The following MGAT3 variants were observed in gnomAD, a reference collection of about 807,000 sequenced individuals.
MGAT3 encodes GlcNAc-T III.
In MGAT3, 9 loss-of-function variants were observed where a neutral mutation model predicts 29.8. The observed-to-expected ratio is 0.30, with a 90% CI of 0.18 to 0.53. The LOEUF (loss-of-function observed/expected upper bound fraction) is 0.53, where lower values mean the gene tolerates loss of function less well. Among genes scored for constraint, MGAT3 ranks in the 20% least tolerant of loss-of-function variants. The pLI is 0.96. For synonymous variants in MGAT3, 397 were observed against 348.9 expected (o/e 1.14, Z -1.54); for missense variants, 557 against 769.5 (o/e 0.72, Z 3.27).
At position 39,465,001 on chromosome 22, in the gene MGAT3, T is replaced by G. The variant is rs1928600633; in HGVS notation, c.-2+7444T>G. ...CGATCTCCTGACCTCGTGATCTGCC[T>G]GCCTCGGCCTCCCAAAGTGCTGGGA... On this transcript the variant is annotated intron_variant, in intron 1 of 1. Coordinates refer to ENST00000341184, the MANE Select transcript of MGAT3 (RefSeq NM_002409.5). 3.3e-5 allele frequency among the ~76,000 whole-genome samples: 5 copies of G among 152,100 alleles called. No homozygotes were observed. In the South Asian group the frequency reaches 8.3e-4, roughly 25 times the overall value.
rs946021977 is a variant in MGAT3 at position 39,490,369 on chromosome 22, A to T, written c.*1420A>T. On this transcript the variant is annotated 3_prime_UTR_variant, in exon 2 of 2. Transcript: ENST00000341184. ...ACATGGCCACAAGCAGCTGCTAGGGAACCTGGGAAGTGTAGTCTTCAGCGG... is the reference window on the plus strand; with the variant it reads ...ACATGGCCACAAGCAGCTGCTAGGGTACCTGGGAAGTGTAGTCTTCAGCGG... 6.6e-5 allele frequency: 11 copies of T among 167,178 alleles called. No individual in the cohort carries two copies. Among genetic ancestry groups the T allele is most frequent in the Admixed American group, 6.5e-4 (10 of 15,300 alleles). The allele number at this position is 167,178 out of a possible 1,614,324, so 10.4% of individuals were successfully genotyped here.
At chr22:39,478,571 G>A (rs1264034980) in intron 1 of MGAT3, among the ~76,000 whole-genome samples, 1 of 152,234 alleles carries the variant, frequency 6.6e-6, no homozygotes, top group Non-Finnish European at 1.5e-5. Context: ...CCTGGGGACT[G>A]AGCTAGGACT....
At position 39,457,218 on chromosome 22, in the gene MGAT3, G is replaced by GCCGCGCTCGGCCTCGCCT. The variant is rs1166509015; in HGVS notation, c.-334_-317dup. On this transcript the variant is annotated 5_prime_UTR_variant, in exon 1 of 2. Coordinates refer to ENST00000341184, the MANE Select transcript of MGAT3 (RefSeq NM_002409.5). This position sits in a 1 kb window ranked among gnomAD's most constrained non-coding sequence, Gnocchi z 6.8. The stretch of plus-strand genomic sequence containing the variant: ...CCGGCGGGAGCGGGCACCCCTGCGC[G>GCCGCGCTCGGCCTCGCCT]CCGCGCTCGGCCTCGCCTCCGCGCC... 2 of 144,498 alleles carry GCCGCGCTCGGCCTCGCCT rather than the reference G, an allele frequency of 1.4e-5. No homozygotes were observed. Among genetic ancestry groups the GCCGCGCTCGGCCTCGCCT allele is most frequent in the Non-Finnish European group, 1.5e-5 (1 of 65,132 alleles). 9.0% of individuals were successfully genotyped at this position (144,498 alleles called of 1,614,324 possible).
At chr22:39,459,758 G>C (rs1455982454) in intron 1 of MGAT3, among the ~76,000 whole-genome samples, 2 of 152,252 alleles carry the variant, frequency 1.3e-5, no homozygotes, top group Non-Finnish European at 2.9e-5. Context: ...GTGATCAAAT[G>C]GGGGAGAATT....
At position 39,466,294 on chromosome 22, in the gene MGAT3, G is replaced by A. The variant is rs368217238; in HGVS notation, c.-2+8737G>A. 6.5e-4 allele frequency among the ~76,000 whole-genome samples: 99 copies of A among 152,318 alleles called. No homozygotes were observed. In the East Asian group the frequency reaches 6.6e-3, roughly 10 times the overall value. ...CAGTGACCGGCTGTGGGGTCTCACC[G>A]TGGGGCTTGCCTAGCACCAGGCACT... On this transcript the variant is annotated intron_variant, in intron 1 of 1. Transcript: ENST00000341184.
chr22:39,466,367 T>C (rs1428223502), intron 1 of MGAT3, among the ~76,000 whole-genome samples: 1 of 152,108 alleles, frequency 6.6e-6, no homozygotes. Flanking sequence ...GTTGCTCTAA[T>C]TCCTGGAAAT....
At chr22:39,459,377 A>T (rs967859283) in intron 1 of MGAT3, among the ~76,000 whole-genome samples, 9 of 151,894 alleles carry the variant, frequency 5.9e-5, no homozygotes, top group African/African-American at 1.9e-4. Context: ...CCCAACCCTG[A>T]TGATTTCTTT....
At chr22:39,458,092 T>A (rs2145705366) in intron 1 of MGAT3, among the ~76,000 whole-genome samples, 1 of 151,868 alleles carries the variant, frequency 6.6e-6, no homozygotes, top group Non-Finnish European at 1.5e-5. Flanking sequence ...CAGAGGCAAA[T>A]GTGGAGAGGG....
chr22:39,484,043 C>T (rs1345966379), intron 1 of MGAT3, among the ~76,000 whole-genome samples: 1 of 152,194 alleles, frequency 6.6e-6, no homozygotes, highest in Non-Finnish European at 1.5e-5. Context: ...TCATGAGGGG[C>T]ACCTGGTGCA....
At chr22:39,467,042 G>A (rs755366306) in intron 1 of MGAT3, among the ~76,000 whole-genome samples, 43 of 152,346 alleles carry the variant, frequency 2.8e-4, no homozygotes, top group East Asian at 5.8e-4. Context: ...CAGGGTGGGC[G>A]GCTTGCAGTT....
rs796398685 is a variant in MGAT3 at position 39,487,625 on chromosome 22, T to C, written c.278T>C (p.Leu93Pro). ...CCGCCCAGCAAGGCGGCCGAGGAGC[T>C]CCACCGGGTGGACTTGGTGCTGCCC... ...PLPPSKAAEE[L>P]HRVDLVLPED... Residue 93 changes from leucine to proline, a missense_variant, in exon 2 of 2, where the codon CTC (leucine) becomes CCC (proline). By Grantham distance (98) the Leu-to-Pro change is moderately conservative (BLOSUM62 -3). Coordinates refer to ENST00000341184, the MANE Select transcript of MGAT3 (RefSeq NM_002409.5). This position sits in a 1 kb window ranked among gnomAD's most constrained non-coding sequence, Gnocchi z 5.7. 2.5e-6 allele frequency: 4 copies of C among 1,611,304 alleles called. No individual in the cohort carries two copies. In the South Asian group the frequency reaches 4.4e-5, roughly 18 times the overall value.
intron 1 of MGAT3, among the ~76,000 whole-genome samples, chr22:39,478,600 C>T (rs945529970): frequency 6.6e-6 from 1 of 152,202 alleles, no homozygotes; most frequent in African/African-American, 2.4e-5. Context: ...CACGGGCAAG[C>T]TCAGGACCAC....
chr22:39,457,289 C>A lies in MGAT3; in HGVS notation c.-270C>A. ...CCCTCCCCCGCGCCCGTCCGCTCGC[C>A]GGGCCCCCGCCGCCGCCCCGGGGTG... On this transcript the variant is annotated 5_prime_UTR_variant, in exon 1 of 2. Transcript: ENST00000341184. The surrounding 1 kb of genome is among the most constrained non-coding windows in gnomAD (Gnocchi z 6.8). 2 of 139,230 alleles carry A rather than the reference C, an allele frequency of 1.4e-5. No homozygotes were observed. The highest frequency in any genetic ancestry group is 4.2e-4 in the South Asian group (2 of 4,758). The allele number at this position is 139,230 out of a possible 1,614,324, so 8.6% of individuals were successfully genotyped here. A position where few individuals can be genotyped will look rare whatever the true frequency, so the allele number is the denominator to read the frequency against.
intron 1 of MGAT3, among the ~76,000 whole-genome samples, chr22:39,460,772 G>C (rs917463278): frequency 6.6e-6 from 1 of 152,138 alleles, no homozygotes; most frequent in Non-Finnish European, 1.5e-5. Context: ...ACTCCAGCCT[G>C]GGCAACAGAG....
chr22:39,491,900 G>A lies in MGAT3; in HGVS notation c.*2951G>A, dbSNP rs1263898872. Reference sequence around the variant, plus strand: ...TCCATGCCAAGCATCCGGGAAGCATGGCTGGCCTTATCCACCCATGGGTCA... The same window carrying A: ...TCCATGCCAAGCATCCGGGAAGCATAGCTGGCCTTATCCACCCATGGGTCA... On this transcript the variant is annotated 3_prime_UTR_variant, in exon 2 of 2. Transcript: ENST00000341184. This position sits in a 1 kb window ranked among gnomAD's most constrained non-coding sequence, Gnocchi z 5.5. 6.0e-6 allele frequency: 1 copy of A among 167,032 alleles called. No individual in the cohort carries two copies. The highest frequency in any genetic ancestry group is 1.5e-5 in the Non-Finnish European group (1 of 68,116). The allele number at this position is 167,032 out of a possible 1,614,324, so 10.3% of individuals were successfully genotyped here.
At chr22:39,472,023 C>T (rs141702012) in intron 1 of MGAT3, among the ~76,000 whole-genome samples, 2 of 152,094 alleles carry the variant, frequency 1.3e-5, no homozygotes, top group East Asian at 3.9e-4. Flanking sequence ...TCCCCGGCAG[C>T]AGGAATGCTC....
chr22:39,487,269 A>G lies in MGAT3; in HGVS notation c.-1-78A>G. 1 of 1,444,560 alleles carries G rather than the reference A, an allele frequency of 6.9e-7. No homozygotes were observed. Among genetic ancestry groups the G allele is most frequent in the Middle Eastern group, 1.8e-4 (1 of 5,520 alleles). 89.5% of individuals were successfully genotyped at this position (1,444,560 alleles called of 1,614,324 possible). On this transcript the variant is annotated intron_variant, in intron 1 of 1. Transcript: ENST00000341184. This position sits in a 1 kb window ranked among gnomAD's most constrained non-coding sequence, Gnocchi z 5.7. ...CCACATTGTCCAGCAAGGTGGCAGCAGAGGCCTCCTAGGTCCCCTTCCTAG... is the reference window on the plus strand; with the variant it reads ...CCACATTGTCCAGCAAGGTGGCAGCGGAGGCCTCCTAGGTCCCCTTCCTAG...
In MGAT3 at chr22:39,487,829, G is replaced by A; in HGVS notation, c.482G>A (p.Gly161Asp). Residue 161 changes from glycine to aspartate, a missense_variant, in exon 2 of 2, where the codon GGC (glycine) becomes GAC (aspartate). Physicochemically the swap from Gly to Asp is moderately conservative, Grantham distance 94. Transcript: ENST00000341184. The surrounding 1 kb of genome is among the most constrained non-coding windows in gnomAD (Gnocchi z 5.7). ...CTGAGCGCCCGGGAGCGCACGGGGG[G>A]CCGAGGCGCCCGGCGCAAGTGGGTG... is the stretch of plus-strand genomic sequence containing the variant. ...YLLSARERTGGRGARRKWVEC... is the reference protein window; with the variant it reads ...YLLSARERTGDRGARRKWVEC... 6.0e-6 allele frequency: 9 copies of A among 1,505,494 alleles called. No individual in the cohort carries two copies. The highest frequency in any genetic ancestry group is 2.3e-5 in the Admixed American group (1 of 43,708). 93.3% of individuals were successfully genotyped at this position (1,505,494 alleles called of 1,614,324 possible).
chr22:39,459,218 T>A (rs1055490541), intron 1 of MGAT3, among the ~76,000 whole-genome samples: 1 of 151,480 alleles, frequency 6.6e-6, no homozygotes, highest in Non-Finnish European at 1.5e-5. Context: ...GGACCACAGG[T>A]GCCCGACACC....
Sources: allele counts gnomAD v4.1 joint callset (sites outside exome capture counted in the v4.1 genomes callset), GRCh38; gene constraint gnomAD v4.1.1; non-coding constraint Gnocchi (gnomAD v3.1); transcripts MANE v1.5; gene names NCBI Gene and HGNC (gene_info 2026-07-23, HGNC 2026-07-21).